Variants in SNTG1 observed in about 807,000 individuals in gnomAD.
The protein encoded by SNTG1 is gamma-1-syntrophin.
In SNTG1, 39 loss-of-function variants were observed where a neutral mutation model predicts 74.7. The ratio of observed to expected loss-of-function variants is 0.52; its 90% confidence interval spans 0.40 to 0.68. The LOEUF (loss-of-function observed/expected upper bound fraction) is 0.68. Among genes scored for constraint, SNTG1 ranks in the 30% least tolerant of loss-of-function variants. SNTG1 has a pLI of 0.00. For missense variants in SNTG1, 685 were observed against 609.5 expected, an observed-to-expected ratio of 1.12 and a Z score of -1.30; for synonymous variants, 254 against 217.1, an observed-to-expected ratio of 1.17 and a Z score of -1.49.
chr8:50,499,204 A>G (rs1358013798), intron 8 of SNTG1, among the ~76,000 whole-genome samples: 1 of 151,914 alleles, frequency 6.6e-6, no homozygotes, highest in Admixed American at 6.5e-5. Flanking sequence ...CTTGTGACAC[A>G]TATATTTAAA....
chr8:50,194,923 AC>A lies in SNTG1; in HGVS notation c.-28+22291del, dbSNP rs896487286. ...TACTTCAATCTTGATTTTGTTTTTG[AC>A]CCAGAAGATGACTCTTTCTAGAAAG... On this transcript the variant is annotated intron_variant, in intron 2 of 18. Coordinates refer to ENST00000642720, the MANE Select transcript of SNTG1 (RefSeq NM_018967.5). 2.5e-4 allele frequency among the ~76,000 whole-genome samples: 38 copies of A among 152,042 alleles called. 1 individual carries two copies. Among genetic ancestry groups the A allele is most frequent in the Non-Finnish European group, 3.8e-4 (26 of 67,988 alleles).
At chr8:50,558,489 G>A (rs1251011830) in intron 12 of SNTG1, among the ~76,000 whole-genome samples, 1 of 152,172 alleles carries the variant, frequency 6.6e-6, no homozygotes, top group East Asian at 1.9e-4. Flanking sequence ...GTAAACTCCT[G>A]TTTGCCATAT....
chr8:50,221,541 A>ACACG (rs967276185), intron 2 of SNTG1, among the ~76,000 whole-genome samples: 1 of 151,604 alleles, frequency 6.6e-6, no homozygotes, highest in African/African-American at 2.4e-5. Context: ...ACACACACAC[A>ACACG]CACACACACA....
intron 1 of SNTG1, among the ~76,000 whole-genome samples, chr8:50,080,363 TGTG>T: frequency 6.6e-6 from 1 of 152,328 alleles, no homozygotes; most frequent in East Asian, 1.9e-4. Context: ...GAGTATAAGA[TGTG>T]TTTTTTGTTG....
chr8:50,344,114 G>T (rs2091401461), intron 2 of SNTG1, among the ~76,000 whole-genome samples: 1 of 152,102 alleles, frequency 6.6e-6, no homozygotes, highest in South Asian at 2.1e-4. Flanking sequence ...TGAGGGTATT[G>T]TTTTATTAGT....
At chr8:50,197,653 T>C (rs1433400994) in intron 2 of SNTG1, among the ~76,000 whole-genome samples, 1 of 152,154 alleles carries the variant, frequency 6.6e-6, no homozygotes, top group Non-Finnish European at 1.5e-5. Context: ...CAGATTACTG[T>C]CCAGAGTGGC....
chr8:50,784,232 T>C (rs144160133), intron 18 of SNTG1, among the ~76,000 whole-genome samples: 2 of 152,160 alleles, frequency 1.3e-5, no homozygotes, highest in Non-Finnish European at 2.9e-5. Context: ...AATAATTCAG[T>C]CCTACTTAGT....
intron 1 of SNTG1, among the ~76,000 whole-genome samples, chr8:50,030,221 T>C (rs1817629795): frequency 6.6e-6 from 1 of 152,110 alleles, no homozygotes; most frequent in African/African-American, 2.4e-5. Flanking sequence ...CTGATAGAGT[T>C]TTTTGAGCTC....
chr8:50,542,792 G>T (rs1469955481), intron 11 of SNTG1, among the ~76,000 whole-genome samples: 2 of 152,082 alleles, frequency 1.3e-5, no homozygotes, highest in African/African-American at 4.8e-5. Flanking sequence ...CATTTTAACT[G>T]GGGTGAGATA....
chr8:50,057,615 G>A (rs2130915838), intron 1 of SNTG1, among the ~76,000 whole-genome samples: 1 of 152,180 alleles, frequency 6.6e-6, no homozygotes, highest in East Asian at 1.9e-4. Flanking sequence ...GTTAAGGACT[G>A]CTTTAAGGAT....
intron 1 of SNTG1, among the ~76,000 whole-genome samples, chr8:49,978,235 G>A (rs530352665): frequency 9.2e-5 from 14 of 152,066 alleles, no homozygotes; most frequent in East Asian, 5.8e-4. Flanking sequence ...TAGAGAGAGC[G>A]GGGGAGAGAG....
At chr8:50,239,929 T>A (rs533995082) in intron 2 of SNTG1, among the ~76,000 whole-genome samples, 1 of 152,312 alleles carries the variant, frequency 6.6e-6, no homozygotes, top group East Asian at 1.9e-4. Context: ...AATTTAAAAA[T>A]CCCAATTCTC....
intron 1 of SNTG1, among the ~76,000 whole-genome samples, chr8:50,036,531 A>G (rs1818181252): frequency 6.6e-6 from 1 of 152,114 alleles, no homozygotes; most frequent in South Asian, 2.1e-4. Flanking sequence ...GCACTCTATC[A>G]TCCCAGCTGT....
chr8:50,157,110 CA>C (rs2131575990), intron 1 of SNTG1, among the ~76,000 whole-genome samples: 1 of 152,122 alleles, frequency 6.6e-6, no homozygotes, highest in East Asian at 1.9e-4. Flanking sequence ...GATGCAAAAA[CA>C]GAGCTGAATC....
intron 8 of SNTG1, among the ~76,000 whole-genome samples, chr8:50,465,254 A>T (rs932175135): frequency 2.0e-5 from 3 of 152,198 alleles, no homozygotes; most frequent in Non-Finnish European, 4.4e-5. Context: ...CAAATCTAGT[A>T]TATATGTACA....
intron 1 of SNTG1, among the ~76,000 whole-genome samples, chr8:49,997,456 G>A (rs1051393870): frequency 9.2e-5 from 14 of 152,002 alleles, no homozygotes; most frequent in Admixed American, 2.0e-4. Context: ...GAGGAGTCAT[G>A]TACTTCCTGT....
chr8:50,346,479 T>C (rs147072032), intron 2 of SNTG1, among the ~76,000 whole-genome samples: 136 of 152,258 alleles, frequency 8.9e-4, no homozygotes, highest in African/African-American at 3.1e-3. Context: ...GACCCAACAA[T>C]ATTAAAATTA....
chr8:50,511,130 G>T (rs1438961928), intron 9 of SNTG1, among the ~76,000 whole-genome samples: 1 of 152,086 alleles, frequency 6.6e-6, no homozygotes, highest in Non-Finnish European at 1.5e-5. Flanking sequence ...TCTTCTCATT[G>T]GTTTTAAAGA....
At chr8:50,641,759 T>A (rs1585929589) in intron 13 of SNTG1, among the ~76,000 whole-genome samples, 1 of 152,332 alleles carries the variant, frequency 6.6e-6, no homozygotes, top group South Asian at 2.1e-4. Context: ...TTTTCATTTG[T>A]CTTTCATGAC....
Sources: allele counts gnomAD v4.1 joint callset (sites outside exome capture counted in the v4.1 genomes callset), GRCh38; gene constraint gnomAD v4.1.1; transcripts MANE v1.5; gene names NCBI Gene and HGNC (gene_info 2026-07-23, HGNC 2026-07-21).